Variants in LOC128092252 observed in about 807,000 individuals in gnomAD.
At chr15:50,657,881 T>C in the LOC128092252 span, 8 of 1,372,880 alleles carry the variant, frequency 5.8e-6, no homozygotes, top group African/African-American at 1.0e-4. Context: ...TTTTAAAGTA[T>C]ATAAAATACA....
the LOC128092252 span, among the ~76,000 whole-genome samples, chr15:50,656,618 G>A: frequency 2.0e-5 from 3 of 151,430 alleles, no homozygotes; most frequent in South Asian, 2.1e-4. Context: ...TTACAGGCGC[G>A]AACCATCACA....
chr15:50,667,994 GATT>G, the LOC128092252 span, among the ~76,000 whole-genome samples: 1 of 152,140 alleles, frequency 6.6e-6, no homozygotes, highest in Non-Finnish European at 1.5e-5. Context: ...CAGTAATTAT[GATT>G]ATTATGTTAA....
At chr15:50,678,066 C>T in the LOC128092252 span, among the ~76,000 whole-genome samples, 22,047 of 149,258 alleles carry the variant, frequency 0.15, 2,187 homozygotes, top group Admixed American at 0.28. Flanking sequence ...GGTGAAACCA[C>T]GTCTCTACTA....
the LOC128092252 span, among the ~76,000 whole-genome samples, chr15:50,659,813 G>A: frequency 9.2e-5 from 14 of 152,032 alleles, no homozygotes; most frequent in African/African-American, 3.4e-4. Flanking sequence ...GATTACAAGT[G>A]CCCACCACCA....
chr15:50,668,631 C>A, the LOC128092252 span, among the ~76,000 whole-genome samples: 1 of 152,156 alleles, frequency 6.6e-6, no homozygotes, highest in Non-Finnish European at 1.5e-5. Flanking sequence ...CCTCAGCCTC[C>A]CAAGTAGCTG....
chr15:50,648,810 T>C, the LOC128092252 span: 1 of 1,613,372 alleles, frequency 6.2e-7, no homozygotes, highest in African/African-American at 1.3e-5. Context: ...GGTCACCCAA[T>C]TTCACATCTG....
chr15:50,651,622 T>TAGC, the LOC128092252 span, among the ~76,000 whole-genome samples: 1 of 152,072 alleles, frequency 6.6e-6, no homozygotes, highest in African/African-American at 2.4e-5. Flanking sequence ...ATAGTAAGAC[T>TAGC]CTGTCTCTAA....
At chr15:50,679,538 ATTT>A in the LOC128092252 span, among the ~76,000 whole-genome samples, 121 of 43,892 alleles carry the variant, frequency 2.8e-3, 1 homozygote, top group South Asian at 0.016. Context: ...ATATATATAT[ATTT>A]TTTTTTTTTT....
chr15:50,666,376 G>A, the LOC128092252 span, among the ~76,000 whole-genome samples: 20 of 152,100 alleles, frequency 1.3e-4, no homozygotes, highest in African/African-American at 4.8e-4. Context: ...GGGAGCTCGA[G>A]GCTGCAGCGA....
chr15:50,655,437 G>GAAAAA, the LOC128092252 span, among the ~76,000 whole-genome samples: 1 of 89,358 alleles, frequency 1.1e-5, no homozygotes, highest in Non-Finnish European at 2.3e-5. Context: ...CATCTCAAAG[G>GAAAAA]AAAAAAAAAA....
the LOC128092252 span, chr15:50,663,113 T>G: frequency 1.6e-6 from 2 of 1,236,272 alleles, no homozygotes; most frequent in South Asian, 1.3e-5. Flanking sequence ...AACAATTTCA[T>G]GATAAACACA....
chr15:50,681,995 T>C, the LOC128092252 span, among the ~76,000 whole-genome samples: 2 of 151,920 alleles, frequency 1.3e-5, no homozygotes. Flanking sequence ...CTGGCCAACA[T>C]GGGGAAACCC....
At chr15:50,658,930 G>T in the LOC128092252 span, among the ~76,000 whole-genome samples, 131 of 152,338 alleles carry the variant, frequency 8.6e-4, no homozygotes, top group South Asian at 4.1e-3. Flanking sequence ...CAGGCGCAGT[G>T]GCTCACGCCT....
At chr15:50,680,437 G>A in the LOC128092252 span, among the ~76,000 whole-genome samples, 17 of 150,896 alleles carry the variant, frequency 1.1e-4, no homozygotes, top group African/African-American at 3.4e-4. Flanking sequence ...CAATGTGGTG[G>A]CGCAACCTGT....
At chr15:50,681,264 TACACAC>T in the LOC128092252 span, among the ~76,000 whole-genome samples, 224 of 147,020 alleles carry the variant, frequency 1.5e-3, no homozygotes, top group African/African-American at 3.8e-3. Flanking sequence ...AATAAATAAA[TACACAC>T]ACACACACAC....
chr15:50,657,749 A>T, the LOC128092252 span: 2 of 1,598,190 alleles, frequency 1.3e-6, no homozygotes, highest in Non-Finnish European at 1.7e-6. Context: ...TTATTTTCCG[A>T]AATTTGTGCG....
the LOC128092252 span, among the ~76,000 whole-genome samples, chr15:50,656,019 A>C: frequency 6.6e-6 from 1 of 151,950 alleles, no homozygotes; most frequent in East Asian, 1.9e-4. Context: ...CAAAAAAAAA[A>C]AACCCCTGCT....
chr15:50,655,447 AC>A, the LOC128092252 span, among the ~76,000 whole-genome samples: 10,693 of 131,252 alleles, frequency 0.081, 358 homozygotes, highest in Admixed American at 0.12. Context: ...GAAAAAAAAA[AC>A]AAAAAAACAA....
the LOC128092252 span, among the ~76,000 whole-genome samples, chr15:50,662,554 T>C: frequency 2.0e-5 from 3 of 152,200 alleles, no homozygotes; most frequent in South Asian, 6.2e-4. Flanking sequence ...ATGACTATTA[T>C]TAGGTTCATA....
Sources: allele counts gnomAD v4.1 joint callset (sites outside exome capture counted in the v4.1 genomes callset), GRCh38; gene constraint gnomAD v4.1.1; transcripts MANE v1.5.